VPS13D: variants seen among roughly 807,000 people sequenced by gnomAD.
VPS13D encodes vacuolar protein sorting 13 homolog D.
In VPS13D, 187 loss-of-function variants were observed where a neutral mutation model predicts 461.9. The ratio of observed to expected loss-of-function variants is 0.40; its 90% confidence interval spans 0.36 to 0.46. The LOEUF (loss-of-function observed/expected upper bound fraction) is 0.46. Among genes scored for constraint, VPS13D ranks in the 20% least tolerant of loss-of-function variants. The probability of loss-of-function intolerance (pLI) is 0.60; values close to 1 mark genes in which losing one functional copy is unlikely to be tolerated. For missense variants in VPS13D, 4,711 were observed against 5,364.9 expected, an observed-to-expected ratio of 0.88 and a Z score of 3.81; for synonymous variants, 1,951 against 1,986.3, an observed-to-expected ratio of 0.98 and a Z score of 0.47.
At chr1:12,486,561 C>A (rs983620328) in intron 67 of VPS13D, among the ~76,000 whole-genome samples, 3 of 152,180 alleles carry the variant, frequency 2.0e-5, no homozygotes, top group Non-Finnish European at 4.4e-5. Context: ...AGACGGTGCA[C>A]GTTCCCCGGA....
chr1:12,381,960 T>TTC (rs1338993036), intron 57 of VPS13D, among the ~76,000 whole-genome samples: 2 of 142,706 alleles, frequency 1.4e-5, no homozygotes, highest in African/African-American at 2.7e-5. Flanking sequence ...CTTTCTTTCT[T>TTC]TCTTTCTTTC....
At chr1:12,483,841 T>C (rs1645757386) in intron 67 of VPS13D, among the ~76,000 whole-genome samples, 1 of 151,944 alleles carries the variant, frequency 6.6e-6, no homozygotes, top group East Asian at 1.9e-4. Context: ...CTACTAAAAA[T>C]ACAAAAATTA....
At chr1:12,407,386 C>A (rs1644669582) in intron 63 of VPS13D, 1 of 152,186 alleles carries the variant, frequency 6.6e-6, no homozygotes, top group Non-Finnish European at 1.5e-5. Context: ...AAGACTTCAG[C>A]AGTTTTCGCG....
chr1:12,430,238 C>T (rs533059946), intron 65 of VPS13D, among the ~76,000 whole-genome samples: 2 of 152,148 alleles, frequency 1.3e-5, no homozygotes, highest in Non-Finnish European at 2.9e-5. Flanking sequence ...ACCTTTGTAG[C>T]GTCCTCCTGT....
chr1:12,362,280 T>C (rs975041382), intron 50 of VPS13D, among the ~76,000 whole-genome samples: 1 of 152,230 alleles, frequency 6.6e-6, no homozygotes, highest in Non-Finnish European at 1.5e-5. Flanking sequence ...TCCAAGAAAG[T>C]AATCTGAAAT....
chr1:12,378,187 A>C (rs1644227301), intron 55 of VPS13D, among the ~76,000 whole-genome samples: 1 of 152,236 alleles, frequency 6.6e-6, no homozygotes, highest in African/African-American at 2.4e-5. Flanking sequence ...CGTTTGTTAA[A>C]ATGCACATTA....
chr1:12,299,113 A>G lies in VPS13D; in HGVS notation c.6034-89A>G, dbSNP rs1387275310. 2.7e-5 allele frequency: 35 copies of G among 1,279,876 alleles called. No homozygotes were observed. The highest frequency in any genetic ancestry group is 3.7e-5 in the Non-Finnish European group (35 of 934,440). The allele number at this position is 1,279,876 out of a possible 1,614,324, so 79.3% of individuals were successfully genotyped here. ...CTGTATGATTTTAATTGTTTTATAA[A>G]CTCACGAAACTTTTGGGAACCTGAG... On this transcript the variant is annotated intron_variant, in intron 24 of 69. Transcript: ENST00000620676. The surrounding 1 kb of genome is among the most constrained non-coding windows in gnomAD (Gnocchi z 4.2).
At chr1:12,242,098 G>A (rs1018938885) in intron 2 of VPS13D, among the ~76,000 whole-genome samples, 3 of 152,058 alleles carry the variant, frequency 2.0e-5, no homozygotes, top group African/African-American at 7.2e-5. Context: ...ATACGCAACA[G>A]ACATCATATA....
intron 68 of VPS13D, among the ~76,000 whole-genome samples, chr1:12,504,576 C>T (rs1354472705): frequency 6.6e-6 from 1 of 152,196 alleles, no homozygotes; most frequent in Admixed American, 6.5e-5. Flanking sequence ...CCCTCTCCAT[C>T]AGAGAGATGA....
chr1:12,360,804 C>G (rs572719911), intron 50 of VPS13D, among the ~76,000 whole-genome samples: 3 of 152,120 alleles, frequency 2.0e-5, no homozygotes, highest in Non-Finnish European at 2.9e-5. Flanking sequence ...ATTTTCAAGC[C>G]AGTTTAAGTG....
chr1:12,261,209 G>A, intron 12 of VPS13D, 60 bp downstream of exon 12: 1 of 1,578,830 alleles, frequency 6.3e-7, no homozygotes, highest in Non-Finnish European at 8.7e-7. Flanking sequence ...TTGTGCAACA[G>A]CTTGTGGTAT....
At chr1:12,296,728 T>C (rs1642287747) in intron 24 of VPS13D, among the ~76,000 whole-genome samples, 1 of 152,202 alleles carries the variant, frequency 6.6e-6, no homozygotes, top group Admixed American at 6.5e-5. Flanking sequence ...ATCAAAGTTA[T>C]GAACATTTTT....
At chr1:12,468,401 A>G (rs1329005566) in intron 67 of VPS13D, among the ~76,000 whole-genome samples, 1 of 152,230 alleles carries the variant, frequency 6.6e-6, no homozygotes, top group East Asian at 1.9e-4. Flanking sequence ...CCAAGATAAA[A>G]TTGAAATCTT....
At position 12,277,528 on chromosome 1, in the gene VPS13D, T is replaced by A. The variant is rs1323116251; in HGVS notation, c.3940T>A (p.Phe1314Ile). The A allele has an allele frequency of 8.1e-6, 13 of 1,613,934 alleles. No individual in the cohort carries two copies. Among genetic ancestry groups the A allele is most frequent in the Non-Finnish European group, 1.0e-5 (12 of 1,180,026 alleles). ...ATCCATGGATGAACTGGAAGAAAAT[T>A]TTCGAGGTATGCTGAAAAGCGCAGC... ...TLSMDELEENFRGMLKSAATK... is the reference protein window; with the variant it reads ...TLSMDELEENIRGMLKSAATK... Residue 1314 changes from phenylalanine to isoleucine, a missense_variant, in exon 19 of 70, where the codon TTT (phenylalanine) becomes ATT (isoleucine). By Grantham distance (21) the Phe-to-Ile change is conservative. Transcript: ENST00000620676.
chr1:12,325,018 A>G (rs1380351563), intron 35 of VPS13D, among the ~76,000 whole-genome samples: 1 of 151,900 alleles, frequency 6.6e-6, no homozygotes, highest in East Asian at 1.9e-4. Flanking sequence ...CTTCCTTTCC[A>G]TCTCCATGTT....
chr1:12,504,282 A>G (rs1229584061), intron 68 of VPS13D, among the ~76,000 whole-genome samples: 2 of 152,216 alleles, frequency 1.3e-5, no homozygotes, highest in Non-Finnish European at 2.9e-5. Flanking sequence ...CCCTGGGGTC[A>G]CTGCCCAGTT....
rs1345563746 is a variant in VPS13D, at chr1:12,260,804, C to T, written c.1212+10C>T. The T allele has an allele frequency of 6.2e-7, 1 of 1,613,704 alleles. No homozygotes were observed. The highest frequency in any genetic ancestry group is 1.3e-5 in the African/African-American group (1 of 74,920). On this transcript the variant is annotated intron_variant, in intron 11 of 69. Coordinates refer to ENST00000620676, the MANE Select transcript of VPS13D (RefSeq NM_015378.4). ...GGAAGAACTAGCAGAGGTAAGAAAT[C>T]CTCTACAAGAGGATTTGTTCAGACC... is the stretch of plus-strand genomic sequence containing the variant.
At chr1:12,478,701 G>C in intron 67 of VPS13D, 2 of 444,130 alleles carry the variant, frequency 4.5e-6, no homozygotes, top group East Asian at 7.1e-5. Context: ...GCACGGTGAT[G>C]TTTCTCTCTG....
At chr1:12,381,922 T>TTTTCTTTTCTTTCTTTCTTTCTTTCTTTC (rs71570104) in intron 57 of VPS13D, among the ~76,000 whole-genome samples, 1 of 101,168 alleles carries the variant, frequency 9.9e-6, no homozygotes, top group Non-Finnish European at 2.1e-5. Context: ...CTTTCTTTTC[T>TTTTCTTTTCTTTCTTTCTTTCTTTCTTTC]TTTCTTTCTT....
Sources: gnomAD v4.1 joint callset for allele counts (sites outside exome capture counted in the v4.1 genomes callset) on GRCh38, gnomAD v4.1.1 for gene constraint, Gnocchi (gnomAD v3.1) non-coding constraint, MANE v1.5 for transcripts, NCBI Gene and HGNC (gene_info 2026-07-23, HGNC 2026-07-21) for gene names.